The following MAPK15 variants were observed in gnomAD, a reference collection of about 807,000 sequenced individuals.
MAPK15 encodes mitogen-activated protein kinase 15.
Under a neutral mutation model 60.8 loss-of-function variants are expected in MAPK15, and 61 were observed. The observed-to-expected ratio is 1.00, with a 90% CI of 0.82 to 1.24. MAPK15 has a LOEUF of 1.24. Ranked by LOEUF, MAPK15 falls within the 50% of genes most tolerant of loss-of-function variation. The probability of loss-of-function intolerance (pLI) is 0.00; values close to 1 mark genes in which losing one functional copy is unlikely to be tolerated. For synonymous variants in MAPK15, 356 were observed against 319.9 expected, an observed-to-expected ratio of 1.11 and a Z score of -1.21; for missense variants, 808 against 741.1, an observed-to-expected ratio of 1.09 and a Z score of -1.05.
Position 143,719,528 on chromosome 8 carries a change from G to C in MAPK15, c.721+46G>C, listed in dbSNP as rs879997804. ...TGGGCACCGGGAATGCTGCAGGTCAGACAGCACAGCTGTGGGGAGACAGCA... is the reference window on the plus strand; with the variant it reads ...TGGGCACCGGGAATGCTGCAGGTCACACAGCACAGCTGTGGGGAGACAGCA... On this transcript the variant is annotated intron_variant, in intron 7 of 13. Transcript: ENST00000338033. 1.9e-6 allele frequency: 3 copies of C among 1,592,942 alleles called. No individual in the cohort carries two copies. The South Asian group carries it at 3.4e-5, about 18-fold the overall frequency.
rs1554619010 is a variant in MAPK15, at chr8:143,718,785, G to A, written c.297G>A (p.Leu99=). The A allele has an allele frequency of 6.3e-7, 1 of 1,588,560 alleles. No homozygotes were observed. The highest frequency in any genetic ancestry group is 8.5e-7 in the Non-Finnish European group (1 of 1,173,366). ...YLVFEFMDTD[L]NAVIRKGGLL... The stretch of plus-strand genomic sequence containing the variant: ...GCACCCTCTCTGCAGACACTGACCT[G>A]AACGCAGTCATCCGGAAGGGCGGCC... Residue 99 remains leucine (L), a synonymous_variant, in exon 5 of 14, where the codon CTG becomes CTA. Coordinates refer to ENST00000338033, the MANE Select transcript of MAPK15 (RefSeq NM_139021.3).
rs199510165 is a variant in MAPK15, at chr8:143,722,103, G to A, written c.1487G>A (p.Arg496Gln). The A allele has an allele frequency of 1.9e-5, 30 of 1,612,312 alleles. No individual in the cohort carries two copies. The highest frequency in any genetic ancestry group is 6.7e-5 in the African/African-American group (5 of 74,978). ...CCTCCCCGGCTTCCTCCGGAGGCCC[G>A]GCCCGGCCGGAGGATGTTCAGCACC... ...QVPPRLPPEA[R>Q]PGRRMFSTSA... is the part of the protein sequence containing the mutation. Residue 496 changes from arginine to glutamine, a missense_variant, in exon 14 of 14, where the codon CGG becomes CAG. Arg to Gln is a conservative substitution (Grantham distance 43). Coordinates refer to ENST00000338033, the MANE Select transcript of MAPK15 (RefSeq NM_139021.3).
chr8:143,721,554 C>A lies in MAPK15; in HGVS notation c.1210C>A (p.Pro404Thr), dbSNP rs782739254. ...PGHDPAEHES[P>T]RAAKNVPRQN... ...TTGACCCACTGACCCCACAGAGTCCCCCCGTGCAGCCAAGAACGTTCCCAG... is the reference window on the plus strand; with the variant it reads ...TTGACCCACTGACCCCACAGAGTCCACCCGTGCAGCCAAGAACGTTCCCAG... Residue 404 changes from proline (P) to threonine (T), a missense_variant, in exon 12 of 14, where the codon CCC becomes ACC. By Grantham distance (38) the Pro-to-Thr change is conservative. Coordinates refer to ENST00000338033, the MANE Select transcript of MAPK15 (RefSeq NM_139021.3). 1.2e-6 allele frequency: 2 copies of A among 1,613,668 alleles called. No homozygotes were observed. Among genetic ancestry groups the A allele is most frequent in the Admixed American group, 1.7e-5 (1 of 59,952 alleles).
chr8:143,722,240 C>T lies in MAPK15; in HGVS notation c.1624C>T (p.His542Tyr), dbSNP rs371852180. 28 of 1,585,990 alleles carry T rather than the reference C, an allele frequency of 1.8e-5. No homozygotes were observed. The highest frequency in any genetic ancestry group is 2.1e-5 in the Non-Finnish European group (25 of 1,166,046). Residue 542 changes from histidine to tyrosine, a missense_variant, in exon 14 of 14, where the codon CAC becomes TAC. Physicochemically the swap from His to Tyr is moderately conservative, Grantham distance 83. Transcript: ENST00000338033. Reference sequence around the variant, plus strand: ...GGGCCACCTGCCCCTGCTGGAGGGGCACCATGTGTGAGCCGCCCTACTCCC... The same window carrying T: ...GGGCCACCTGCCCCTGCTGGAGGGGTACCATGTGTGAGCCGCCCTACTCCC... Reference protein sequence around the residue: ...ALGHLPLLEGHHV With the variant: ...ALGHLPLLEGYHV
chr8:143,718,463 G>C (rs943289538), intron 4 of MAPK15, 161 bp downstream of exon 4: 16 of 721,594 alleles, frequency 2.2e-5, no homozygotes, highest in Non-Finnish European at 3.8e-5. Context: ...CAGCTGACTA[G>C]TGTCAGCCTC....
chr8:143,722,236 G>C lies in MAPK15; in HGVS notation c.1620G>C (p.Glu540Asp). 1 of 1,588,570 alleles carries C rather than the reference G, an allele frequency of 6.3e-7. No homozygotes were observed. Among genetic ancestry groups the C allele is most frequent in the Non-Finnish European group, 8.6e-7 (1 of 1,167,006 alleles). The change falls in exon 14 of 14, where the codon GAG (glutamate) becomes GAC (aspartate). Residue 540 changes from glutamate (E) to aspartate (D), a missense_variant. Transcript: ENST00000338033. ...HSALGHLPLL[E>D]GHHV Reference sequence around the variant, plus strand: ...CACTGGGCCACCTGCCCCTGCTGGAGGGGCACCATGTGTGAGCCGCCCTAC... The same window carrying C: ...CACTGGGCCACCTGCCCCTGCTGGACGGGCACCATGTGTGAGCCGCCCTAC...
chr8:143,718,221 G>A lies in MAPK15; in HGVS notation c.205G>A (p.Asp69Asn), dbSNP rs368587017. Reference sequence around the variant, plus strand: ...CCGACTCTCTCCCCAGGAGTTTGGGGACCATCCCAACATCATCAGCCTCCT... The same window carrying A: ...CCGACTCTCTCCCCAGGAGTTTGGGAACCATCCCAACATCATCAGCCTCCT... ...REITLLQEFG[D>N]HPNIISLLDV... The change falls in exon 4 of 14, where the codon GAC becomes AAC. Residue 69 changes from aspartate to asparagine, a missense_variant. Asp to Asn is a conservative substitution (Grantham distance 23, BLOSUM62 1). Transcript: ENST00000338033. 3.1e-6 allele frequency: 5 copies of A among 1,614,176 alleles called. No individual in the cohort carries two copies. Among genetic ancestry groups the A allele is most frequent in the Non-Finnish European group, 3.4e-6 (4 of 1,180,018 alleles).
chr8:143,720,123 A>G lies in MAPK15; in HGVS notation c.722-107A>G. On this transcript the variant is annotated intron_variant, in intron 7 of 13. Transcript: ENST00000338033. This position sits in a 1 kb window ranked among gnomAD's most constrained non-coding sequence, Gnocchi z 4.6. Reference sequence around the variant, plus strand: ...CCCCGCCAGACAGCAGAAACCCTGTAGAGAGGCTGTGCTCCCTGGGGCTGG... The same window carrying G: ...CCCCGCCAGACAGCAGAAACCCTGTGGAGAGGCTGTGCTCCCTGGGGCTGG... The G allele has an allele frequency of 6.7e-7, 1 of 1,481,962 alleles. No homozygotes were observed. Among genetic ancestry groups the G allele is most frequent in the Non-Finnish European group, 9.1e-7 (1 of 1,101,444 alleles). 91.8% of individuals were successfully genotyped at this position (1,481,962 alleles called of 1,614,324 possible). A position where few individuals can be genotyped will look rare whatever the true frequency, so the allele number is the denominator to read the frequency against.
rs782695220 is a variant in MAPK15 at position 143,718,279 on chromosome 8, T to C, written c.263T>C (p.Ile88Thr). Residue 88 changes from isoleucine to threonine, a missense_variant, in exon 4 of 14, where the codon ATT (isoleucine) becomes ACT (threonine). Coordinates refer to ENST00000338033, the MANE Select transcript of MAPK15 (RefSeq NM_139021.3). ...DVIRAENDRDIYLVFEFMDTD... is the reference protein window; with the variant it reads ...DVIRAENDRDTYLVFEFMDTD... ...ATCCGGGCAGAGAACGACAGGGACA[T>C]TTACCTGGTGTTTGAGTTTATGGGT... The C allele has an allele frequency of 6.2e-7, 1 of 1,614,046 alleles. No homozygotes were observed.
rs782555019 is a variant in MAPK15, at chr8:143,721,581, C to G, written c.1237C>G (p.Gln413Glu). 3 of 1,613,632 alleles carry G rather than the reference C, an allele frequency of 1.9e-6. No individual in the cohort carries two copies. Among genetic ancestry groups the G allele is most frequent in the African/African-American group, 1.3e-5 (1 of 75,050 alleles). ...CCGTGCAGCCAAGAACGTTCCCAGG[C>G]AGAACTCCGCTCCCCTGCTCCAAAC... ...SPRAAKNVPR[Q>E]NSAPLLQTAL... The change falls in exon 12 of 14, where the codon CAG becomes GAG. Residue 413 changes from glutamine (Q) to glutamate (E), a missense_variant. By Grantham distance (29) the Gln-to-Glu change is conservative (BLOSUM62 2). Coordinates refer to ENST00000338033, the MANE Select transcript of MAPK15 (RefSeq NM_139021.3).
chr8:143,716,483 G>A, intron 1 of MAPK15, 40 bp downstream of exon 1: 2 of 1,579,572 alleles, frequency 1.3e-6, no homozygotes, highest in Non-Finnish European at 1.7e-6. Context: ...GAGGGGCGCG[G>A]CAGATCTGCG....
In MAPK15 at chr8:143,716,363, G is replaced by A; in HGVS notation, c.-15G>A. 6.3e-7 allele frequency: 1 copy of A among 1,589,774 alleles called. No individual in the cohort carries two copies. The highest frequency in any genetic ancestry group is 8.5e-7 in the Non-Finnish European group (1 of 1,171,150). On this transcript the variant is annotated 5_prime_UTR_variant, in exon 1 of 14. Transcript: ENST00000338033. ...ACCGACTCAACAGTAAGGCCCCGCGGGCGTCCTGGCCGCCATGTGCACCGT... is the reference window on the plus strand; with the variant it reads ...ACCGACTCAACAGTAAGGCCCCGCGAGCGTCCTGGCCGCCATGTGCACCGT...
rs781808006 is a variant in MAPK15, at chr8:143,720,204, G to C, written c.722-26G>C. On this transcript the variant is annotated intron_variant, in intron 7 of 13. Transcript: ENST00000338033. The surrounding 1 kb of genome is among the most constrained non-coding windows in gnomAD (Gnocchi z 4.6). ...CGCCCCAGCCGACCAGGCCTGCCTGGGTCACACCACCTTCTGCTGCCCCAG... is the reference window on the plus strand; with the variant it reads ...CGCCCCAGCCGACCAGGCCTGCCTGCGTCACACCACCTTCTGCTGCCCCAG... 1.3e-6 allele frequency: 2 copies of C among 1,555,410 alleles called. No individual in the cohort carries two copies. The highest frequency in any genetic ancestry group is 1.7e-6 in the Non-Finnish European group (2 of 1,150,374).
Position 143,717,756 on chromosome 8 carries a change from A to T in MAPK15, c.129A>T (p.Lys43Asn). ...CTGGTGAGGTCGTGGCCATCAAGAA[A>T]ATCTTTGATGCTTTTAGGGATAAGA... ...RRTGEVVAIK[K>N]IFDAFRDKTD... The change falls in exon 2 of 14, where the codon AAA becomes AAT. Residue 43 changes from lysine to asparagine, a missense_variant. Coordinates refer to ENST00000338033, the MANE Select transcript of MAPK15 (RefSeq NM_139021.3). 1 of 1,612,494 alleles carries T rather than the reference A, an allele frequency of 6.2e-7. No homozygotes were observed. Among genetic ancestry groups the T allele is most frequent in the Non-Finnish European group, 8.5e-7 (1 of 1,179,526 alleles).
Position 143,721,568 on chromosome 8 carries a change from G to A in MAPK15, c.1224G>A (p.Lys408=), listed in dbSNP as rs897890690. The A allele has an allele frequency of 1.2e-6, 2 of 1,613,756 alleles. No individual in the cohort carries two copies. Among genetic ancestry groups the A allele is most frequent in the Non-Finnish European group, 1.7e-6 (2 of 1,179,856 alleles). ...CCACAGAGTCCCCCCGTGCAGCCAA[G>A]AACGTTCCCAGGCAGAACTCCGCTC... ...PAEHESPRAA[K]NVPRQNSAPL... Residue 408 remains lysine (K), a synonymous_variant, in exon 12 of 14, where the codon AAG becomes AAA. Coordinates refer to ENST00000338033, the MANE Select transcript of MAPK15 (RefSeq NM_139021.3).
In MAPK15 at chr8:143,720,499, C is replaced by T. The variant is rs575580702; in HGVS notation, c.780-204C>T. ...GTGGCCCAGAGGAGCTGTGCCAGGG[C>T]GTGGAGAGGAGGGCACCAGGGGGCC... is the stretch of plus-strand genomic sequence containing the variant. On this transcript the variant is annotated intron_variant, in intron 8 of 13. Coordinates refer to ENST00000338033, the MANE Select transcript of MAPK15 (RefSeq NM_139021.3). The surrounding 1 kb of genome is among the most constrained non-coding windows in gnomAD (Gnocchi z 4.6). 89 of 1,451,548 alleles carry T rather than the reference C, an allele frequency of 6.1e-5. No individual in the cohort carries two copies. The African/African-American group carries it at 1.2e-3, about 20-fold the overall frequency. The allele number at this position is 1,451,548 out of a possible 1,614,324, so 89.9% of individuals were successfully genotyped here.
In MAPK15 at chr8:143,722,448, T is replaced by C. The variant is rs529775752; in HGVS notation, c.*197T>C. On this transcript the variant is annotated 3_prime_UTR_variant, in exon 14 of 14. Transcript: ENST00000338033. ...ACTGACTTCCTCCAATAAAGTCATG[T>C]CTGCCCCCAACCTAAGCAGCCATCG... 1.6e-5 allele frequency: 8 copies of C among 510,742 alleles called. No homozygotes were observed. In the African/African-American group the frequency reaches 1.6e-4, roughly 10 times the overall value. 31.6% of individuals were successfully genotyped at this position (510,742 alleles called of 1,614,324 possible).
In MAPK15 at chr8:143,720,264, T is replaced by C. The variant is rs782365298; in HGVS notation, c.756T>C (p.Ser252=). 6.3e-7 allele frequency: 1 copy of C among 1,590,312 alleles called. No homozygotes were observed. Among genetic ancestry groups the C allele is most frequent in the Non-Finnish European group, 8.6e-7 (1 of 1,167,832 alleles). Residue 252 remains serine, a synonymous_variant, in exon 8 of 14, where the codon TCT becomes TCC. Coordinates refer to ENST00000338033, the MANE Select transcript of MAPK15 (RefSeq NM_139021.3). This position sits in a 1 kb window ranked among gnomAD's most constrained non-coding sequence, Gnocchi z 4.6. ...CTCTCGGCTCAGGCTGCCGTGCCTCTGTGCTGCACCAGCTGGGGTCCCGGT... is the reference window on the plus strand; with the variant it reads ...CTCTCGGCTCAGGCTGCCGTGCCTCCGTGCTGCACCAGCTGGGGTCCCGGT... ...LLALGSGCRA[S]VLHQLGSRPR...
At position 143,719,124 on chromosome 8, in the gene MAPK15, C is replaced by A. The variant is rs868953006; in HGVS notation, c.549C>A (p.Tyr183Ter). The A allele has an allele frequency of 6.4e-7, 1 of 1,556,984 alleles. No homozygotes were observed. Among genetic ancestry groups the A allele is most frequent in the African/African-American group, 1.4e-5 (1 of 73,380 alleles). Residue 183 changes from tyrosine to a stop codon, truncating the protein, a stop_gained, in exon 6 of 14, where the codon TAC becomes TAA. Coordinates refer to ENST00000338033, the MANE Select transcript of MAPK15 (RefSeq NM_139021.3). LOFTEE classifies it high-confidence loss of function. ...CAGAGTACGTGGCCACACGCTGGTA[C>A]CGAGCACCGGAGGTGCTGCTCTCTT... The part of the protein sequence containing the change: ...AVTEYVATRW[Y>*]RAPEVLLSSH...
Sources: gnomAD v4.1 joint callset for allele counts on GRCh38, gnomAD v4.1.1 for gene constraint, Gnocchi (gnomAD v3.1) non-coding constraint, MANE v1.5 for transcripts, NCBI Gene and HGNC (gene_info 2026-07-23, HGNC 2026-07-21) for gene names.